Variants in BTC observed in about 807,000 individuals in gnomAD.
BTC encodes probetacellulin.
A neutral mutation model predicts 18.1 loss-of-function variants in BTC; 13 were observed. The observed-to-expected ratio is 0.72, with a 90% CI of 0.47 to 1.14. The LOEUF (loss-of-function observed/expected upper bound fraction) is 1.14. Ranked by LOEUF, BTC falls within the 50% of genes most tolerant of loss-of-function variation. The pLI, the probability that BTC is intolerant of heterozygous loss-of-function variation, is 0.00. For synonymous variants in BTC, 83 were observed against 79.4 expected, an observed-to-expected ratio of 1.05 and a Z score of -0.24; for missense variants, 247 against 224.2, an observed-to-expected ratio of 1.10 and a Z score of -0.65.
intron 1 of BTC, among the ~76,000 whole-genome samples, chr4:74,791,131 C>G (rs369492884): frequency 2.8e-4 from 43 of 152,140 alleles, no homozygotes; most frequent in African/African-American, 9.9e-4. Flanking sequence ...CTCTTGAGAC[C>G]AGGAGTTTAA....
rs1553955356 is a variant in BTC at position 74,745,464 on chromosome 4, A to G, written c.*1213T>C. ...TCGATTTTTGTAAGTGAACCACGTA[A>G]TCAATGTAAAAAGTTAAATATTCTA... On this transcript the variant is annotated 3_prime_UTR_variant, in exon 6 of 6. Transcript: ENST00000395743. 6.6e-6 allele frequency: 1 copy of G among 152,234 alleles called. No individual in the cohort carries two copies. The highest frequency in any genetic ancestry group is 1.5e-5 in the Non-Finnish European group (1 of 68,034). The allele number at this position is 152,234 out of a possible 1,614,324, so 9.4% of individuals were successfully genotyped here. A position where few individuals can be genotyped will look rare whatever the true frequency, so the allele number is the denominator to read the frequency against.
chr4:74,749,881 G>A (rs1724411792), intron 4 of BTC, among the ~76,000 whole-genome samples: 2 of 148,448 alleles, frequency 1.3e-5, no homozygotes, highest in Non-Finnish European at 3.0e-5. Context: ...GATCACTTGA[G>A]GCTAGGAGTT....
intron 2 of BTC, among the ~76,000 whole-genome samples, chr4:74,764,124 G>A (rs1314232337): frequency 1.3e-5 from 2 of 151,580 alleles, no homozygotes; most frequent in East Asian, 3.9e-4. Context: ...GATTTGAGTG[G>A]GTGAACAAAA....
intron 1 of BTC, among the ~76,000 whole-genome samples, chr4:74,786,076 G>A (rs935177476): frequency 6.6e-6 from 1 of 152,150 alleles, no homozygotes; most frequent in South Asian, 2.1e-4. Flanking sequence ...ATATTCTATA[G>A]AGAAGGTCAA....
intron 3 of BTC, among the ~76,000 whole-genome samples, chr4:74,752,316 G>A (rs1459321932): frequency 6.6e-6 from 1 of 150,820 alleles, no homozygotes; most frequent in Non-Finnish European, 1.5e-5. Flanking sequence ...AGAGAGCTTA[G>A]AAATATCTTG....
intron 2 of BTC, among the ~76,000 whole-genome samples, chr4:74,767,333 C>T (rs543617900): frequency 1.3e-5 from 2 of 151,342 alleles, no homozygotes; most frequent in African/African-American, 2.4e-5. Context: ...AGCTAATTTA[C>T]GATAGCATCA....
At chr4:74,784,054 G>A (rs1330277549) in intron 1 of BTC, among the ~76,000 whole-genome samples, 1 of 151,824 alleles carries the variant, frequency 6.6e-6, no homozygotes, top group Non-Finnish European at 1.5e-5. Context: ...CCAACATGAT[G>A]AAACCCTGTC....
chr4:74,761,792 G>A (rs144094421), intron 2 of BTC, among the ~76,000 whole-genome samples: 145 of 152,164 alleles, frequency 9.5e-4, no homozygotes, highest in African/African-American at 3.2e-3. Flanking sequence ...CTTCTATGAC[G>A]ACACCTTTAA....
chr4:74,785,715 C>T (rs1031998674), intron 1 of BTC, among the ~76,000 whole-genome samples: 10 of 152,194 alleles, frequency 6.6e-5, no homozygotes, highest in Admixed American at 4.6e-4. Flanking sequence ...CCACTTTCAG[C>T]TTCCTCTAAT....
intron 1 of BTC, among the ~76,000 whole-genome samples, chr4:74,775,033 T>TGG (rs1725141440): frequency 3.9e-5 from 6 of 152,096 alleles, no homozygotes; most frequent in Admixed American, 3.9e-4. Context: ...TGGATAACTG[T>TGG]CTGGATTGTG....
Position 74,758,958 on chromosome 4 carries a change from C to T in BTC, c.164-2982G>A, listed in dbSNP as rs1188908049. Among the ~76,000 whole-genome samples the T allele has an allele frequency of 3.9e-5, 6 of 152,126 alleles. No homozygotes were observed. In the South Asian group the frequency reaches 1.0e-3, roughly 26 times the overall value. ...ACACATGCACATAAATATACACACA[C>T]ACACACACATACACACATACATACA... is the stretch of plus-strand genomic sequence containing the variant. On this transcript the variant is annotated intron_variant, in intron 2 of 5. Coordinates refer to ENST00000395743, the MANE Select transcript of BTC (RefSeq NM_001729.4).
intron 1 of BTC, among the ~76,000 whole-genome samples, chr4:74,778,782 A>G (rs1431607498): frequency 6.6e-6 from 1 of 152,182 alleles, no homozygotes; most frequent in East Asian, 1.9e-4. Context: ...CCAAGTCTCA[A>G]AGTGGAGCAA....
At chr4:74,778,935 T>G (rs1577965864) in intron 1 of BTC, among the ~76,000 whole-genome samples, 1 of 152,242 alleles carries the variant, frequency 6.6e-6, no homozygotes, top group African/African-American at 2.4e-5. Flanking sequence ...GACAGAGGAA[T>G]TTTCCAAGTT....
intron 1 of BTC, among the ~76,000 whole-genome samples, chr4:74,781,732 A>G (rs1283554015): frequency 1.3e-5 from 2 of 151,954 alleles, no homozygotes; most frequent in Admixed American, 6.6e-5. Flanking sequence ...TACATATAAC[A>G]AAAAATTTAT....
At position 74,782,567 on chromosome 4, in the gene BTC, T is replaced by G. The variant is rs577844469; in HGVS notation, c.64+11695A>C. 2.9e-4 allele frequency among the ~76,000 whole-genome samples: 44 copies of G among 152,334 alleles called. 1 individual carries two copies. In the South Asian group the frequency reaches 8.7e-3, roughly 30 times the overall value. ...GAATACCGCGCACTGAACATATGCATGCATGTATCTTTATAGTAGAATAAT... is the reference window on the plus strand; with the variant it reads ...GAATACCGCGCACTGAACATATGCAGGCATGTATCTTTATAGTAGAATAAT... On this transcript the variant is annotated intron_variant, in intron 1 of 5. Coordinates refer to ENST00000395743, the MANE Select transcript of BTC (RefSeq NM_001729.4).
At chr4:74,746,984 C>G (rs1425026558) in intron 5 of BTC, among the ~76,000 whole-genome samples, 1 of 152,056 alleles carries the variant, frequency 6.6e-6, no homozygotes, top group Non-Finnish European at 1.5e-5. Context: ...AGGAACTGAC[C>G]AAGGATGAAA....
At chr4:74,782,770 TTGACTTCTTAATAATAGCCAATC>T (rs1345975444) in intron 1 of BTC, among the ~76,000 whole-genome samples, 2 of 152,138 alleles carry the variant, frequency 1.3e-5, no homozygotes, top group Non-Finnish European at 2.9e-5. Flanking sequence ...CTGTAGTTTT[TTGACTTCTTAATAATAGCCAATC>T]TGACTGGTGT....
At chr4:74,790,016 TG>T (rs112368083) in intron 1 of BTC, among the ~76,000 whole-genome samples, 25,518 of 152,122 alleles carry the variant, frequency 0.17, 3,378 homozygotes, top group African/African-American at 0.37. Context: ...ATTTTACTTT[TG>T]CAGCTTTATT....
At chr4:74,753,561 C>T (rs1217293784) in intron 3 of BTC, among the ~76,000 whole-genome samples, 1 of 152,196 alleles carries the variant, frequency 6.6e-6, no homozygotes, top group Non-Finnish European at 1.5e-5. Context: ...TTGAAACACA[C>T]TTTGGTTTTT....
Sources: allele counts gnomAD v4.1 joint callset (sites outside exome capture counted in the v4.1 genomes callset), GRCh38; gene constraint gnomAD v4.1.1; transcripts MANE v1.5; gene names NCBI Gene and HGNC (gene_info 2026-07-23, HGNC 2026-07-21).